Variants in SPATS2L observed in about 807,000 individuals in gnomAD.
SPATS2L encodes the protein spermatogenesis associated serine rich 2 like.
In SPATS2L, 30 loss-of-function variants were observed where a neutral mutation model predicts 59.6. The ratio of observed to expected loss-of-function variants is 0.50; its 90% CI spans 0.38 to 0.68. SPATS2L has a LOEUF of 0.68. SPATS2L is among the 30% of genes least tolerant of loss of function. SPATS2L has a pLI of 0.00. For missense variants in SPATS2L, 615 were observed against 700.0 expected, an observed-to-expected ratio of 0.88 and a Z score of 1.37; for synonymous variants, 252 against 263.5, an observed-to-expected ratio of 0.96 and a Z score of 0.42.
intron 2 of SPATS2L, among the ~76,000 whole-genome samples, chr2:200,352,456 A>T (rs2080774232): frequency 6.6e-6 from 1 of 150,450 alleles, no homozygotes. Context: ...CACTGTATTG[A>T]TCATTTGCTC....
intron 2 of SPATS2L, among the ~76,000 whole-genome samples, chr2:200,360,704 C>G (rs898493476): frequency 1.3e-5 from 2 of 152,190 alleles, no homozygotes; most frequent in Non-Finnish European, 2.9e-5. Context: ...AAATAAGCTA[C>G]TGTTATTTTG....
At chr2:200,438,483 T>C (rs2084457776) in intron 6 of SPATS2L, among the ~76,000 whole-genome samples, 1 of 152,238 alleles carries the variant, frequency 6.6e-6, no homozygotes, top group South Asian at 2.1e-4. Context: ...AGCAACATCC[T>C]GCTAATTGAT....
At chr2:200,306,669 C>G, upstream of SPATS2L, 3 of 986,722 alleles carry the variant, frequency 3.0e-6, no homozygotes, top group African/African-American at 5.2e-5. Flanking sequence ...GCGGGAGTGT[C>G]CCTGCGTGGG....
intron 8 of SPATS2L, among the ~76,000 whole-genome samples, chr2:200,442,338 CCAGGGTCTG>C (rs1388371867): frequency 1.3e-5 from 2 of 152,178 alleles, no homozygotes; most frequent in Admixed American, 1.3e-4. Flanking sequence ...TTCTCTAGAG[CCAGGGTCTG>C]CAGACTTTAT....
chr2:200,330,769 ATT>A (rs1235552441), intron 2 of SPATS2L, among the ~76,000 whole-genome samples: 1 of 152,316 alleles, frequency 6.6e-6, no homozygotes, highest in East Asian at 1.9e-4. Context: ...TTCTGATCAT[ATT>A]TTTGTCAGGA....
chr2:200,473,251 T>G (rs2087216310), intron 12 of SPATS2L, among the ~76,000 whole-genome samples, 199 bp downstream of exon 12: 1 of 152,160 alleles, frequency 6.6e-6, no homozygotes, highest in African/African-American at 2.4e-5. Flanking sequence ...CATCCATGCC[T>G]GCCAGGTGCT....
Position 200,468,155 on chromosome 2 carries a change from C to T in SPATS2L, c.957+756C>T, listed in dbSNP as rs1172822140. ...CTCTGATTGGCCTCCACTTGGGTCACGTCCATCATTTGGCCCAGAGAGGGT... is the reference window on the plus strand; with the variant it reads ...CTCTGATTGGCCTCCACTTGGGTCATGTCCATCATTTGGCCCAGAGAGGGT... On this transcript the variant is annotated intron_variant, in intron 10 of 12. Transcript: ENST00000409140. Among the ~76,000 whole-genome samples the T allele has an allele frequency of 4.6e-5, 7 of 152,090 alleles. No individual in the cohort carries two copies. The South Asian group carries it at 1.3e-3, about 27-fold the overall frequency.
intron 10 of SPATS2L, 117 bp downstream of exon 10, chr2:200,467,516 T>A: frequency 1.5e-6 from 1 of 689,390 alleles, no homozygotes; most frequent in East Asian, 2.7e-5. Context: ...CCCAGCTCTC[T>A]TCCACAGGGT....
In SPATS2L at chr2:200,389,499, GACCATAACCCCA is replaced by G. The variant is rs2082104276; in HGVS notation, c.39+217_39+228del. 5 of 467,852 alleles carry G rather than the reference GACCATAACCCCA, an allele frequency of 1.1e-5. No homozygotes were observed. The East Asian group carries it at 1.4e-4, about 13-fold the overall frequency. The allele number at this position is 467,852 out of a possible 1,614,324, so 29.0% of individuals were successfully genotyped here. ...GACACTCATTTTTTCATTTACTCTT[GACCATAACCCCA>G]TAAAGAAGATACTGTTGTTATTTCC... is the stretch of plus-strand genomic sequence containing the variant. On this transcript the variant is annotated intron_variant, in intron 3 of 12. Coordinates refer to ENST00000409140, the MANE Select transcript of SPATS2L (RefSeq NM_001100423.2).
chr2:200,355,120 C>T (rs2105853990), intron 2 of SPATS2L, among the ~76,000 whole-genome samples: 1 of 152,252 alleles, frequency 6.6e-6, no homozygotes, highest in Middle Eastern at 3.4e-3. Context: ...TCTTTTGTTT[C>T]CCCTCTTTGC....
Position 200,306,701 on chromosome 2 carries a change from C to T in SPATS2L, c.-294C>T, listed in dbSNP as rs1208022546. 1.0e-6 allele frequency: 1 copy of T among 984,670 alleles called. No homozygotes were observed. The allele number at this position is 984,670 out of a possible 1,614,324, so 61.0% of individuals were successfully genotyped here. On this transcript the variant is annotated 5_prime_UTR_variant, in exon 1 of 13. Coordinates refer to ENST00000409140, the MANE Select transcript of SPATS2L (RefSeq NM_001100423.2). The stretch of plus-strand genomic sequence containing the variant: ...TGGGGCGGCCGAGCCGGAGTTGTGT[C>T]AGTGAAGGAATCCAGTCCGGGGGCC...
At chr2:200,410,490 C>G (rs781065999) in intron 3 of SPATS2L, among the ~76,000 whole-genome samples, 4 of 152,134 alleles carry the variant, frequency 2.6e-5, no homozygotes, top group Non-Finnish European at 4.4e-5. Context: ...CCTTGTAGGC[C>G]CTGTACGATC....
At chr2:200,362,237 G>A (rs2105872627) in intron 2 of SPATS2L, among the ~76,000 whole-genome samples, 1 of 152,302 alleles carries the variant, frequency 6.6e-6, no homozygotes, top group African/African-American at 2.4e-5. Context: ...AACAGAGACA[G>A]ACCTTGTCTT....
rs556743757 is a variant in SPATS2L at position 200,453,947 on chromosome 2, C to T, written c.789-5822C>T. Among the ~76,000 whole-genome samples the T allele has an allele frequency of 9.6e-4, 146 of 152,230 alleles. 1 individual carries two copies. The highest frequency in any genetic ancestry group is 3.4e-3 in the African/African-American group (142 of 41,528). Reference sequence around the variant, plus strand: ...AGCATCCTTTCTCTCCAGCAGTTCCCACCTTCTCTTTCTACTGCATGCGCC... The same window carrying T: ...AGCATCCTTTCTCTCCAGCAGTTCCTACCTTCTCTTTCTACTGCATGCGCC... On this transcript the variant is annotated intron_variant, in intron 8 of 12. Coordinates refer to ENST00000409140, the MANE Select transcript of SPATS2L (RefSeq NM_001100423.2).
intron 2 of SPATS2L, among the ~76,000 whole-genome samples, chr2:200,388,437 T>G (rs2082061875): frequency 6.6e-6 from 1 of 152,004 alleles, no homozygotes; most frequent in African/African-American, 2.4e-5. Flanking sequence ...CTGAGTGTGG[T>G]GGTGCATACC....
chr2:200,311,006 G>A (rs967788232), intron 1 of SPATS2L, among the ~76,000 whole-genome samples: 1 of 152,190 alleles, frequency 6.6e-6, no homozygotes, highest in African/African-American at 2.4e-5. Flanking sequence ...CAACTAGATA[G>A]TAAGGCACTG....
At chr2:200,308,009 A>T in intron 1 of SPATS2L, among the ~76,000 whole-genome samples, 1 of 151,104 alleles carries the variant, frequency 6.6e-6, no homozygotes, top group South Asian at 2.2e-4. Context: ...CCCCCTCACA[A>T]GCCGACAGAC....
intron 2 of SPATS2L, among the ~76,000 whole-genome samples, chr2:200,381,635 A>G (rs1266150306): frequency 6.6e-6 from 1 of 152,218 alleles, no homozygotes; most frequent in African/African-American, 2.4e-5. Flanking sequence ...CTAAGTAGAA[A>G]TGCATATGTC....
At chr2:200,465,892 C>A (rs995280595) in intron 9 of SPATS2L, among the ~76,000 whole-genome samples, 1 of 152,146 alleles carries the variant, frequency 6.6e-6, no homozygotes, top group African/African-American at 2.4e-5. Flanking sequence ...ATTAGCCAGG[C>A]ATGGTGGCGG....
Sources: allele counts gnomAD v4.1 joint callset (sites outside exome capture counted in the v4.1 genomes callset), GRCh38; gene constraint gnomAD v4.1.1; transcripts MANE v1.5; gene names NCBI Gene and HGNC (gene_info 2026-07-23, HGNC 2026-07-21).